The following FAM120C variants were observed in gnomAD, a reference collection of about 807,000 sequenced individuals.
The protein encoded by FAM120C is constitutive coactivator of PPAR-gamma-like protein 2.
Under a neutral mutation model 71.2 loss-of-function variants are expected in FAM120C, and 14 were observed. The ratio of observed to expected loss-of-function variants is 0.20; its 90% CI spans 0.13 to 0.31. The LOEUF is 0.31. Among genes scored for constraint, FAM120C ranks in the 10% least tolerant of loss-of-function variants. The pLI, the probability that FAM120C is intolerant of heterozygous loss-of-function variation, is 1.00. For missense variants in FAM120C, 500 were observed against 879.0 expected (o/e 0.57, Z 5.45); for synonymous variants, 354 against 353.2 (o/e 1.00, Z -0.03).
chrX:54,079,056 C>T (rs1219244841), intron 15 of FAM120C, among the ~76,000 whole-genome samples: 2 of 107,717 alleles, frequency 1.9e-5, no homozygotes, highest in African/African-American at 3.4e-5. Flanking sequence ...GTCAGGAGAT[C>T]GAGACCATCC....
chrX:54,101,472 T>C (rs2066881941), intron 10 of FAM120C, among the ~76,000 whole-genome samples: 2 of 112,260 alleles, frequency 1.8e-5, no homozygotes, highest in South Asian at 3.7e-4. Context: ...TCTGCACCCT[T>C]GGTTCCACTC....
At chrX:54,125,000 A>G (rs1164569674) in intron 9 of FAM120C, among the ~76,000 whole-genome samples, 2 of 111,405 alleles carry the variant, frequency 1.8e-5, no homozygotes, top group Non-Finnish European at 3.8e-5. Flanking sequence ...AAAGAAACAA[A>G]AAACAACAAA....
chrX:54,180,357 G>GC (rs1301503280), intron 1 of FAM120C, among the ~76,000 whole-genome samples: 1 of 111,919 alleles, frequency 8.9e-6, no homozygotes, highest in Non-Finnish European at 1.9e-5. Flanking sequence ...AATTAACCAT[G>GC]CCCCCTATAG....
At chrX:54,118,700 T>C (rs1399355390) in intron 9 of FAM120C, among the ~76,000 whole-genome samples, 4 of 49,016 alleles carry the variant, frequency 8.2e-5, no homozygotes, top group Non-Finnish European at 1.4e-4. Flanking sequence ...TCTTTTTTTC[T>C]TTTTTTTTTT....
At chrX:54,142,986 G>A (rs1451528080) in intron 4 of FAM120C, among the ~76,000 whole-genome samples, 1 of 111,915 alleles carries the variant, frequency 8.9e-6, no homozygotes, top group African/African-American at 3.3e-5. Flanking sequence ...AGGGTCTGGA[G>A]TGGACCTCCA....
chrX:54,082,847 G>A (rs2066773494), intron 13 of FAM120C, among the ~76,000 whole-genome samples: 1 of 110,699 alleles, frequency 9.0e-6, no homozygotes, highest in South Asian at 3.8e-4. Flanking sequence ...GCCGGGCATG[G>A]TAGCTCACAC....
At chrX:54,113,372 A>G (rs2066948794) in intron 10 of FAM120C, among the ~76,000 whole-genome samples, 1 of 109,097 alleles carries the variant, frequency 9.2e-6, no homozygotes, top group African/African-American at 3.3e-5. Context: ...AGGCAGGAGA[A>G]CTGCTTGAGG....
intron 4 of FAM120C, among the ~76,000 whole-genome samples, chrX:54,150,270 G>A (rs2067177934): frequency 1.8e-5 from 2 of 111,733 alleles, no homozygotes; most frequent in African/African-American, 6.5e-5. Context: ...TTAGCATATA[G>A]CTCATCTAAC....
chrX:54,183,162 G>T lies in FAM120C; in HGVS notation c.37C>A (p.Arg13Ser). 8.7e-7 allele frequency: 1 copy of T among 1,145,131 alleles called. No homozygotes were observed. 94.4% of individuals were successfully genotyped at this position (1,145,131 alleles called of 1,213,427 possible). A position where few individuals can be genotyped will look rare whatever the true frequency, so the allele number is the denominator to read the frequency against. ...VQGFQEFLEK[R>S]CPGAVVPVDL... Reference sequence around the variant, plus strand: ...ACGGGCACCACGGCCCCGGGACAGCGCTTCTCCAGGAACTCTTGGAAGCCC... The same window carrying T: ...ACGGGCACCACGGCCCCGGGACAGCTCTTCTCCAGGAACTCTTGGAAGCCC... The change falls in exon 1 of 16, where the codon CGC becomes AGC. Residue 13 changes from arginine to serine, a missense_variant. Around this residue, in one of 11 missense-constraint regions of FAM120C, gnomAD observed 12 missense variants for 30.3 expected, o/e 0.40. Coordinates refer to ENST00000375180, the MANE Select transcript of FAM120C (RefSeq NM_017848.6).
chrX:54,081,274 G>T lies in FAM120C; in HGVS notation c.2978+48C>A, dbSNP rs113183729. The T allele has an allele frequency of 9.4e-4, 1,075 of 1,149,671 alleles. 8 individuals are homozygous for T. In the African/African-American group the frequency reaches 0.017, roughly 18 times the overall value. The allele number at this position is 1,149,671 out of a possible 1,213,427, so 94.7% of individuals were successfully genotyped here. On this transcript the variant is annotated intron_variant, in intron 14 of 15. Transcript: ENST00000375180. Reference sequence around the variant, plus strand: ...TAGGCATTTTTCCAAGGAGGCCTAGGCATTTTCCCAAGGGGACTAGCTCAT... The same window carrying T: ...TAGGCATTTTTCCAAGGAGGCCTAGTCATTTTCCCAAGGGGACTAGCTCAT...
chrX:54,127,286 C>T (rs1250309338), intron 9 of FAM120C, among the ~76,000 whole-genome samples: 1 of 110,086 alleles, frequency 9.1e-6, no homozygotes, highest in African/African-American at 3.3e-5. Flanking sequence ...TTATGTAATC[C>T]CTTTTCTTTT....
chrX:54,088,035 G>A, intron 11 of FAM120C, 71 bp from the exon 12 acceptor site: 1 of 892,235 alleles, frequency 1.1e-6, no homozygotes, highest in South Asian at 2.5e-5. Context: ...TCTTATTCCT[G>A]TCATGCTGAT....
At chrX:54,086,951 G>C (rs1195482164) in intron 12 of FAM120C, among the ~76,000 whole-genome samples, 3 of 109,604 alleles carry the variant, frequency 2.7e-5, no homozygotes, top group African/African-American at 6.6e-5. Flanking sequence ...TGGGTAGTCT[G>C]CCAACCCCTG....
At chrX:54,161,895 G>A (rs1418487863) in intron 1 of FAM120C, among the ~76,000 whole-genome samples, 7 of 112,760 alleles carry the variant, frequency 6.2e-5, no homozygotes, top group Non-Finnish European at 1.1e-4. Context: ...GCCTCCCAAA[G>A]TGCTGGGATT....
chrX:54,094,083 CTTTTTTTT>C (rs35721972), intron 10 of FAM120C, among the ~76,000 whole-genome samples: 1 of 61,443 alleles, frequency 1.6e-5, no homozygotes, highest in Non-Finnish European at 2.8e-5. Context: ...TCCACGACTC[CTTTTTTTT>C]TTTTTTTTTT....
At position 54,134,932 on chromosome X, in the gene FAM120C, C is replaced by G; in HGVS notation, c.1515G>C (p.Gln505His). 1 of 1,211,377 alleles carries G rather than the reference C, an allele frequency of 8.3e-7. No homozygotes were observed. Among genetic ancestry groups the G allele is most frequent in the Non-Finnish European group, 1.1e-6 (1 of 895,407 alleles). Residue 505 changes from glutamine (Q) to histidine (H), a missense_variant, in exon 7 of 16, where the codon CAG (glutamine) becomes CAC (histidine). Gln to His is a conservative substitution (Grantham distance 24, BLOSUM62 0). Coordinates refer to ENST00000375180, the MANE Select transcript of FAM120C (RefSeq NM_017848.6). ...CTTTAGAAGGCAGGTAATTGGGAAACTGGGATGCAGAAGAGTCATAGGAGA... is the reference window on the plus strand; with the variant it reads ...CTTTAGAAGGCAGGTAATTGGGAAAGTGGGATGCAGAAGAGTCATAGGAGA... ...WAVSYDSSAS[Q>H]FPNYLPSKAS...
chrX:54,091,947 C>T (rs1313120592), intron 10 of FAM120C, among the ~76,000 whole-genome samples: 2 of 111,182 alleles, frequency 1.8e-5, no homozygotes, highest in Non-Finnish European at 3.8e-5. Flanking sequence ...GCCTGAGGAA[C>T]ACTGAGGGCT....
chrX:54,132,129 C>T (rs1379765909), intron 9 of FAM120C, among the ~76,000 whole-genome samples: 3 of 110,464 alleles, frequency 2.7e-5, no homozygotes, highest in Admixed American at 1.9e-4. Flanking sequence ...GATCAGGGCT[C>T]ACTGCAGCCT....
At chrX:54,162,392 G>A (rs782681786) in intron 1 of FAM120C, among the ~76,000 whole-genome samples, 206 of 111,563 alleles carry the variant, frequency 1.8e-3, no homozygotes, top group African/African-American at 6.2e-3. Context: ...CAAATTCCTT[G>A]ATAATTCCCC....
Sources: gnomAD v4.1 joint callset for allele counts (sites outside exome capture counted in the v4.1 genomes callset) on GRCh38, gnomAD v4.1.1 for gene constraint, gnomAD v4.1.1 regional missense constraint, MANE v1.5 for transcripts, NCBI Gene and HGNC (gene_info 2026-07-23, HGNC 2026-07-21) for gene names.